GSC2: variants seen among roughly 807,000 people sequenced by gnomAD.
The protein encoded by GSC2 is goosecoid homeobox 2.
A neutral mutation model predicts 11.3 loss-of-function variants in GSC2; 12 were observed. The observed-to-expected ratio is 1.06, with a 90% CI of 0.68 to 1.72. The LOEUF (loss-of-function observed/expected upper bound fraction) is 1.72. Among genes scored for constraint, GSC2 ranks in the 40% most tolerant of loss-of-function variants. The pLI, the probability that GSC2 is intolerant of heterozygous loss-of-function variation, is 0.00. For missense variants in GSC2, 310 were observed against 235.7 expected, an observed-to-expected ratio of 1.32 and a Z score of -2.06; for synonymous variants, 148 against 110.0, an observed-to-expected ratio of 1.35 and a Z score of -2.16.
chr22:19,148,879 A>T lies in GSC2; in HGVS notation c.*112T>A. On this transcript the variant is annotated 3_prime_UTR_variant, in exon 3 of 3. Coordinates refer to ENST00000086933, the MANE Select transcript of GSC2 (RefSeq NM_005315.2). The stretch of plus-strand genomic sequence containing the variant: ...AGGCAAGGGCTGTGGAGACGGGTGG[A>T]GGCGGCCGGTGTACTCTCCCAGCTC... 1 of 634,398 alleles carries T rather than the reference A, an allele frequency of 1.6e-6. No individual in the cohort carries two copies. The highest frequency in any genetic ancestry group is 2.0e-5 in the South Asian group (1 of 49,804). The allele number at this position is 634,398 out of a possible 1,614,324, so 39.3% of individuals were successfully genotyped here. A position where few individuals can be genotyped will look rare whatever the true frequency, so the allele number is the denominator to read the frequency against.
chr22:19,150,211 T>G lies in GSC2; in HGVS notation c.73A>C (p.Ile25Leu). ...GRPCPFSIEH[I>L]LSSLPERSLP... is the part of the protein sequence containing the mutation. ...CTCCGCTCGGGCAGGCTGGAGAGGA[T>G]GTGCTCGATGGAGAAGGGGCAGGGC... Residue 25 changes from isoleucine to leucine, a missense_variant, in exon 1 of 3, where the codon ATC becomes CTC. By Grantham distance (5) the Ile-to-Leu change is conservative (BLOSUM62 2). Coordinates refer to ENST00000086933, the MANE Select transcript of GSC2 (RefSeq NM_005315.2). 1 of 388,200 alleles carries G rather than the reference T, an allele frequency of 2.6e-6. No individual in the cohort carries two copies. The highest frequency in any genetic ancestry group is 3.8e-6 in the Non-Finnish European group (1 of 260,042). The allele number at this position is 388,200 out of a possible 1,614,324, so 24.0% of individuals were successfully genotyped here.
Position 19,150,263 on chromosome 22 carries a change from G to A in GSC2, c.21C>T (p.Gly7=), listed in dbSNP as rs1331976976. MAAAAG[G]AASRRGAGRP... is the part of the protein sequence containing the mutation. Reference sequence around the variant, plus strand: ...GCCCGGCACCCCGGCGGCTCGCCGCGCCCCCAGCCGCTGCCGCCATGCCCG... The same window carrying A: ...GCCCGGCACCCCGGCGGCTCGCCGCACCCCCAGCCGCTGCCGCCATGCCCG... Residue 7 remains glycine, a synonymous_variant, in exon 1 of 3, where the codon GGC becomes GGT. Transcript: ENST00000086933. 4 of 203,374 alleles carry A rather than the reference G, an allele frequency of 2.0e-5. No individual in the cohort carries two copies. Among genetic ancestry groups the A allele is most frequent in the Non-Finnish European group, 3.7e-5 (4 of 108,610 alleles). 12.6% of individuals were successfully genotyped at this position (203,374 alleles called of 1,614,324 possible).
At position 19,148,878 on chromosome 22, in the gene GSC2, G is replaced by T; in HGVS notation, c.*113C>A. On this transcript the variant is annotated 3_prime_UTR_variant, in exon 3 of 3. Transcript: ENST00000086933. ...GAGGCAAGGGCTGTGGAGACGGGTG[G>T]AGGCGGCCGGTGTACTCTCCCAGCT... is the stretch of plus-strand genomic sequence containing the variant. 2 of 634,386 alleles carry T rather than the reference G, an allele frequency of 3.2e-6. No individual in the cohort carries two copies. Among genetic ancestry groups the T allele is most frequent in the Non-Finnish European group, 2.7e-6 (1 of 363,858 alleles). 39.3% of individuals were successfully genotyped at this position (634,386 alleles called of 1,614,324 possible). A position where few individuals can be genotyped will look rare whatever the true frequency, so the allele number is the denominator to read the frequency against.
At position 19,149,105 on chromosome 22, in the gene GSC2, G is replaced by T; in HGVS notation, c.514-10C>A. On this transcript the variant is annotated splice_polypyrimidine_tract_variant and intron_variant, in intron 2 of 2. Transcript: ENST00000086933. ...GGTTCTTGAACCAGACCTGGGGATG[G>T]GGGGAATGCTCAGCCCTAGCCCCAG... 2 of 1,530,898 alleles carry T rather than the reference G, an allele frequency of 1.3e-6. No homozygotes were observed. Among genetic ancestry groups the T allele is most frequent in the South Asian group, 2.4e-5 (2 of 84,230 alleles). The allele number at this position is 1,530,898 out of a possible 1,614,324, so 94.8% of individuals were successfully genotyped here.
Position 19,149,746 on chromosome 22 carries a change from G to C in GSC2, c.430C>G (p.Leu144Val). 1 of 1,595,062 alleles carries C rather than the reference G, an allele frequency of 6.3e-7. No homozygotes were observed. The highest frequency in any genetic ancestry group is 8.5e-7 in the Non-Finnish European group (1 of 1,172,668). The stretch of plus-strand genomic sequence containing the variant: ...TCAGGATACTGGTTCTGCACGAAAA[G>C]CGCCTCGAGCGCCTGCAGCTGCTCT... ...SEEQLQALEA[L>V]FVQNQYPDVS... Residue 144 changes from leucine to valine, a missense_variant, in exon 2 of 3, where the codon CTT becomes GTT. Physicochemically the swap from Leu to Val is conservative, Grantham distance 32. Transcript: ENST00000086933.
chr22:19,148,643 G>A lies in GSC2; in HGVS notation c.*348C>T, dbSNP rs1421184017. On this transcript the variant is annotated 3_prime_UTR_variant, in exon 3 of 3. Coordinates refer to ENST00000086933, the MANE Select transcript of GSC2 (RefSeq NM_005315.2). The stretch of plus-strand genomic sequence containing the variant: ...GGGTGGCCAGCATGTCCCAGGGTGC[G>A]GAGAGACGCTCCACTGCGTAGGATT... 2.1e-5 allele frequency: 5 copies of A among 242,306 alleles called. No homozygotes were observed. The highest frequency in any genetic ancestry group is 6.8e-5 in the African/African-American group (3 of 44,244). 15.0% of individuals were successfully genotyped at this position (242,306 alleles called of 1,614,324 possible).
intron 2 of GSC2, 119 bp from the exon 3 acceptor site, chr22:19,149,214 A>G: frequency 1.6e-6 from 1 of 617,166 alleles, no homozygotes; most frequent in Non-Finnish European, 2.7e-6. Flanking sequence ...ACGGCGCTGT[A>G]GAGCCGACAC....
chr22:19,150,217 C>T lies in GSC2; in HGVS notation c.67G>A (p.Glu23Lys), dbSNP rs1555918203. The change falls in exon 1 of 3, where the codon GAG becomes AAG. Residue 23 changes from glutamate (E) to lysine (K), a missense_variant. Coordinates refer to ENST00000086933, the MANE Select transcript of GSC2 (RefSeq NM_005315.2). Reference protein sequence around the residue: ...GAGRPCPFSIEHILSSLPERS... With the variant: ...GAGRPCPFSIKHILSSLPERS... ...TCGGGCAGGCTGGAGAGGATGTGCT[C>T]GATGGAGAAGGGGCAGGGCCGCCCG... 2 of 375,342 alleles carry T rather than the reference C, an allele frequency of 5.3e-6. No individual in the cohort carries two copies. The highest frequency in any genetic ancestry group is 8.1e-6 in the Non-Finnish European group (2 of 246,274). 23.3% of individuals were successfully genotyped at this position (375,342 alleles called of 1,614,324 possible). A position where few individuals can be genotyped will look rare whatever the true frequency, so the allele number is the denominator to read the frequency against.
rs201999846 is a variant in GSC2, at chr22:19,149,832, G to T, written c.344C>A (p.Pro115Gln). ...GAPAGGSGAL[P>Q]GAVGPGSQRR... is the part of the protein sequence containing the mutation. ...CTGCGAACCCGGGCCGACCGCGCCC[G>T]GGAGCGCCCCGGAACCTCCGGCTGG... is the stretch of plus-strand genomic sequence containing the variant. Residue 115 changes from proline (P) to glutamine (Q), a missense_variant, in exon 2 of 3, where the codon CCG (proline) becomes CAG (glutamine). By Grantham distance (76) the Pro-to-Gln change is moderately conservative. Transcript: ENST00000086933. The T allele has an allele frequency of 2.6e-6, 4 of 1,553,308 alleles. No individual in the cohort carries two copies. The South Asian group carries it at 3.5e-5, about 14-fold the overall frequency.
At position 19,149,934 on chromosome 22, in the gene GSC2, G is replaced by C; in HGVS notation, c.260-18C>G. ...ACGAGCGCCTGCGGAGCGAGGGCGCGGTGAGGCGCGGGGCTGGGGCCAAGC... is the reference window on the plus strand; with the variant it reads ...ACGAGCGCCTGCGGAGCGAGGGCGCCGTGAGGCGCGGGGCTGGGGCCAAGC... On this transcript the variant is annotated intron_variant, in intron 1 of 2. Coordinates refer to ENST00000086933, the MANE Select transcript of GSC2 (RefSeq NM_005315.2). 7.6e-7 allele frequency: 1 copy of C among 1,315,026 alleles called. No individual in the cohort carries two copies. Among genetic ancestry groups the C allele is most frequent in the Non-Finnish European group, 9.6e-7 (1 of 1,036,938 alleles). 81.5% of individuals were successfully genotyped at this position (1,315,026 alleles called of 1,614,324 possible).
rs967320119 is a variant in GSC2, at chr22:19,147,386, A to G, written c.*1605T>C. Among the ~76,000 whole-genome samples, 3 of 152,328 alleles carry G rather than the reference A, an allele frequency of 2.0e-5. No homozygotes were observed. The East Asian group carries it at 5.8e-4, about 29-fold the overall frequency. ...GCCTGCTGTGGGGGGTCAGCCTGCC[A>G]AGGAGCAGCTAGAGCTCAAGAAGCA... is the stretch of plus-strand genomic sequence containing the variant. On this transcript the variant is annotated 3_prime_UTR_variant, in exon 3 of 3. Coordinates refer to ENST00000086933, the MANE Select transcript of GSC2 (RefSeq NM_005315.2).
chr22:19,147,210 A>G lies in GSC2; in HGVS notation c.*1781T>C, dbSNP rs868957348. ...GGGCTTCAAGGGGACAGCTGGAGATAAATACCTGGCTCAGGGGAAGTGCCT... is the reference window on the plus strand; with the variant it reads ...GGGCTTCAAGGGGACAGCTGGAGATGAATACCTGGCTCAGGGGAAGTGCCT... On this transcript the variant is annotated 3_prime_UTR_variant, in exon 3 of 3. Transcript: ENST00000086933. Among the ~76,000 whole-genome samples the G allele has an allele frequency of 6.6e-6, 1 of 152,104 alleles. No homozygotes were observed. Among genetic ancestry groups the G allele is most frequent in the African/African-American group, 2.4e-5 (1 of 41,420 alleles).
intron 2 of GSC2, 70 bp downstream of exon 2, chr22:19,149,593 C>T: frequency 7.1e-7 from 1 of 1,398,638 alleles, no homozygotes; most frequent in African/African-American, 1.5e-5. Context: ...AGGGCGCCCG[C>T]CCGCCAGGAC....
In GSC2 at chr22:19,148,711, G is replaced by C; in HGVS notation, c.*280C>G. ...ACGGGGTGGTTCCCCTCCTGCGGTG[G>C]AGTTAGTGTCTCTCGGGGGGTAGGG... On this transcript the variant is annotated 3_prime_UTR_variant, in exon 3 of 3. Transcript: ENST00000086933. The C allele has an allele frequency of 2.4e-6, 1 of 421,230 alleles. No individual in the cohort carries two copies. The highest frequency in any genetic ancestry group is 4.2e-6 in the Non-Finnish European group (1 of 236,188). 26.1% of individuals were successfully genotyped at this position (421,230 alleles called of 1,614,324 possible). A position where few individuals can be genotyped will look rare whatever the true frequency, so the allele number is the denominator to read the frequency against.
chr22:19,149,740 C>A lies in GSC2; in HGVS notation c.436G>T (p.Val146Leu), dbSNP rs1555918068. Residue 146 changes from valine to leucine, a missense_variant, in exon 2 of 3, where the codon GTG (valine) becomes TTG (leucine). Physicochemically the swap from Val to Leu is conservative, Grantham distance 32. Coordinates refer to ENST00000086933, the MANE Select transcript of GSC2 (RefSeq NM_005315.2). The stretch of plus-strand genomic sequence containing the variant: ...CTCACGTCAGGATACTGGTTCTGCA[C>A]GAAAAGCGCCTCGAGCGCCTGCAGC... ...EQLQALEALF[V>L]QNQYPDVSTR... is the part of the protein sequence containing the mutation. 1.9e-6 allele frequency: 3 copies of A among 1,594,484 alleles called. No individual in the cohort carries two copies. The highest frequency in any genetic ancestry group is 1.7e-6 in the Non-Finnish European group (2 of 1,172,376).
chr22:19,149,091 C>G lies in GSC2; in HGVS notation c.518G>C (p.Trp173Ser). ...CCATTTGGCCCGGCGGTTCTTGAACCAGACCTGGGGATGGGGGGAATGCTC... is the reference window on the plus strand; with the variant it reads ...CCATTTGGCCCGGCGGTTCTTGAACGAGACCTGGGGATGGGGGGAATGCTC... ...IRLREERVEV[W>S]FKNRRAKWRH... Residue 173 changes from tryptophan (W) to serine (S), a missense_variant, in exon 3 of 3, where the codon TGG (tryptophan) becomes TCG (serine). By Grantham distance (177) the Trp-to-Ser change is radical. Transcript: ENST00000086933. 6.3e-7 allele frequency: 1 copy of G among 1,578,362 alleles called. No homozygotes were observed. Among genetic ancestry groups the G allele is most frequent in the African/African-American group, 1.3e-5 (1 of 74,272 alleles).
rs1301249281 is a variant in GSC2 at position 19,150,209 on chromosome 22, G to A, written c.75C>T (p.Ile25=). The A allele has an allele frequency of 4.6e-5, 18 of 392,732 alleles. No individual in the cohort carries two copies. In the East Asian group the frequency reaches 7.9e-4, roughly 17 times the overall value. 24.3% of individuals were successfully genotyped at this position (392,732 alleles called of 1,614,324 possible). A position where few individuals can be genotyped will look rare whatever the true frequency, so the allele number is the denominator to read the frequency against. Residue 25 remains isoleucine (I), a synonymous_variant, in exon 1 of 3, where the codon ATC becomes ATT. Coordinates refer to ENST00000086933, the MANE Select transcript of GSC2 (RefSeq NM_005315.2). ...GRPCPFSIEH[I]LSSLPERSLP... ...GGCTCCGCTCGGGCAGGCTGGAGAG[G>A]ATGTGCTCGATGGAGAAGGGGCAGG...
rs1037360032 is a variant in GSC2, at chr22:19,148,859, A to T, written c.*132T>A. The T allele has an allele frequency of 1.7e-6, 1 of 581,372 alleles. No individual in the cohort carries two copies. The highest frequency in any genetic ancestry group is 3.3e-5 in the Admixed American group (1 of 30,468). The allele number at this position is 581,372 out of a possible 1,614,324, so 36.0% of individuals were successfully genotyped here. A position where few individuals can be genotyped will look rare whatever the true frequency, so the allele number is the denominator to read the frequency against. Reference sequence around the variant, plus strand: ...ACGGCAGCACGAGCTGCAGGAGGCAAGGGCTGTGGAGACGGGTGGAGGCGG... The same window carrying T: ...ACGGCAGCACGAGCTGCAGGAGGCATGGGCTGTGGAGACGGGTGGAGGCGG... On this transcript the variant is annotated 3_prime_UTR_variant, in exon 3 of 3. Coordinates refer to ENST00000086933, the MANE Select transcript of GSC2 (RefSeq NM_005315.2).
At position 19,150,196 on chromosome 22, in the gene GSC2, G is replaced by T; in HGVS notation, c.88C>A (p.Pro30Thr). The change falls in exon 1 of 3, where the codon CCC becomes ACC. Residue 30 changes from proline (P) to threonine (T), a missense_variant. Pro to Thr is a conservative substitution (Grantham distance 38, BLOSUM62 -1). Coordinates refer to ENST00000086933, the MANE Select transcript of GSC2 (RefSeq NM_005315.2). ...FSIEHILSSL[P>T]ERSLPARAAC... ...GCCCGGGCCGGGAGGCTCCGCTCGG[G>T]CAGGCTGGAGAGGATGTGCTCGATG... The T allele has an allele frequency of 2.2e-6, 1 of 459,112 alleles. No homozygotes were observed. Among genetic ancestry groups the T allele is most frequent in the Non-Finnish European group, 3.0e-6 (1 of 332,730 alleles). The allele number at this position is 459,112 out of a possible 1,614,324, so 28.4% of individuals were successfully genotyped here. A position where few individuals can be genotyped will look rare whatever the true frequency, so the allele number is the denominator to read the frequency against.
Sources: gnomAD v4.1 joint callset for allele counts (sites outside exome capture counted in the v4.1 genomes callset) on GRCh38, gnomAD v4.1.1 for gene constraint, MANE v1.5 for transcripts, NCBI Gene and HGNC (gene_info 2026-07-23, HGNC 2026-07-21) for gene names.